The following CYTH1 variants were observed in gnomAD, a reference collection of about 807,000 sequenced individuals.
CYTH1 encodes the protein cytohesin 1.
In CYTH1, 18 loss-of-function variants were observed where a neutral mutation model predicts 61.8. The observed-to-expected ratio is 0.29, with a 90% CI of 0.20 to 0.43. The LOEUF (loss-of-function observed/expected upper bound fraction) is 0.43, where lower values mean the gene tolerates loss of function less well. Ranked by LOEUF, CYTH1 falls within the 20% of genes least tolerant of loss-of-function variation. The pLI is 1.00. For missense variants in CYTH1, 336 were observed against 510.5 expected (o/e 0.66, Z 3.29); for synonymous variants, 174 against 184.3 (o/e 0.94, Z 0.45).
chr17:78,735,998 G>A, intron 1 of CYTH1, among the ~76,000 whole-genome samples: 1 of 152,204 alleles, frequency 6.6e-6, no homozygotes, highest in Non-Finnish European at 1.5e-5. Context: ...TAGCTCCACT[G>A]TTTACAGTAC....
chr17:78,714,109 G>A (rs937873054), intron 1 of CYTH1, among the ~76,000 whole-genome samples: 21 of 152,062 alleles, frequency 1.4e-4, no homozygotes, highest in African/African-American at 5.1e-4. Context: ...GACCAACAAG[G>A]TGAAACCCCG....
intron 1 of CYTH1, chr17:78,727,643 C>T: frequency 4.2e-6 from 2 of 470,886 alleles, no homozygotes; most frequent in South Asian, 3.1e-5. Context: ...ATACTGGCCC[C>T]CTGCCTCCAC....
intron 1 of CYTH1, among the ~76,000 whole-genome samples, chr17:78,747,273 A>G (rs2093363330): frequency 6.6e-6 from 1 of 151,942 alleles, no homozygotes; most frequent in Non-Finnish European, 1.5e-5. Context: ...GTGGGAAGAT[A>G]GTGGCACAGG....
chr17:78,690,239 C>G (rs1269921337), intron 11 of CYTH1, among the ~76,000 whole-genome samples: 2 of 150,780 alleles, frequency 1.3e-5, no homozygotes, highest in African/African-American at 2.4e-5. Context: ...ACTAAAAATA[C>G]AAAAAATTAG....
chr17:78,772,682 C>T (rs770282579), intron 1 of CYTH1, among the ~76,000 whole-genome samples: 13 of 151,830 alleles, frequency 8.6e-5, no homozygotes, highest in Non-Finnish European at 1.9e-4. Flanking sequence ...AGACTACAGG[C>T]GTGCACCACC....
chr17:78,681,707 C>G (rs1463298180), intron 11 of CYTH1, among the ~76,000 whole-genome samples: 1 of 152,106 alleles, frequency 6.6e-6, no homozygotes. Context: ...CAACCCATGG[C>G]CAAGTCCTAG....
intron 1 of CYTH1, among the ~76,000 whole-genome samples, chr17:78,764,430 G>C (rs1430919743): frequency 2.0e-5 from 3 of 151,870 alleles, no homozygotes; most frequent in Non-Finnish European, 4.4e-5. Flanking sequence ...CAGAGTGCTA[G>C]GGTTACAGAT....
In CYTH1 at chr17:78,698,279, T is replaced by G. The variant is rs768353903; in HGVS notation, c.801A>C (p.Leu267=). The change falls in exon 9 of 14, where the codon CTA becomes CTC. Residue 267 remains leucine, a synonymous_variant. Transcript: ENST00000446868. ...CAGAGGTGCGCTTACCGAGTTTCAA[T>G]AGCCAGCCTTCTCGGTCTGGATTGA... The part of the protein sequence containing the change: ...TFFNPDREGW[L]LKLGGGRVKT... The G allele has an allele frequency of 1.3e-5, 21 of 1,613,232 alleles. No homozygotes were observed. The highest frequency in any genetic ancestry group is 1.6e-5 in the Non-Finnish European group (19 of 1,179,676).
intron 11 of CYTH1, among the ~76,000 whole-genome samples, chr17:78,681,245 C>T (rs2092759021): frequency 2.0e-5 from 3 of 152,280 alleles, no homozygotes; most frequent in Middle Eastern, 3.4e-3. Flanking sequence ...GCTAAGTCCT[C>T]CGCGAGTAGA....
intron 1 of CYTH1, among the ~76,000 whole-genome samples, chr17:78,752,268 T>C (rs548289757): frequency 1.3e-5 from 2 of 152,294 alleles, no homozygotes; most frequent in Non-Finnish European, 2.9e-5. Context: ...AAATGTTAGT[T>C]ATTACTCTTT....
At chr17:78,681,451 A>G (rs2092761485) in intron 11 of CYTH1, among the ~76,000 whole-genome samples, 1 of 152,048 alleles carries the variant, frequency 6.6e-6, no homozygotes, top group Admixed American at 6.6e-5. Flanking sequence ...GATGCCTGGG[A>G]CTGCAGCTGT....
chr17:78,697,633 C>A (rs1410043517), intron 9 of CYTH1, among the ~76,000 whole-genome samples: 1 of 151,480 alleles, frequency 6.6e-6, no homozygotes, highest in Admixed American at 6.6e-5. Context: ...AAAACCACTG[C>A]CCAAGAATGA....
intron 1 of CYTH1, among the ~76,000 whole-genome samples, chr17:78,753,923 G>C (rs919943410): frequency 6.6e-6 from 1 of 152,048 alleles, no homozygotes; most frequent in Non-Finnish European, 1.5e-5. Context: ...AAAAATATAA[G>C]AAGTCCCCCA....
intron 1 of CYTH1, among the ~76,000 whole-genome samples, chr17:78,728,358 CA>C (rs1208584473): frequency 1.3e-5 from 2 of 152,040 alleles, no homozygotes; most frequent in African/African-American, 4.8e-5. Flanking sequence ...CCAGCCTGAC[CA>C]ACATGGTGAA....
chr17:78,720,274 C>A (rs2093216811), intron 1 of CYTH1, among the ~76,000 whole-genome samples: 1 of 152,120 alleles, frequency 6.6e-6, no homozygotes, highest in East Asian at 1.9e-4. Flanking sequence ...AAAGGCCTGG[C>A]ATGGTGGCTC....
rs556662803 is a variant in CYTH1, at chr17:78,739,861, G to A, written c.23-30129C>T. On this transcript the variant is annotated intron_variant, in intron 1 of 13. Transcript: ENST00000446868. ...CCAAGGATGTCCCAATGGAGTCCAC[G>A]TGAGGTGTAAAAGAGAGAAGTCAAG... Among the ~76,000 whole-genome samples, 18 of 152,296 alleles carry A rather than the reference G, an allele frequency of 1.2e-4. No homozygotes were observed. In the South Asian group the frequency reaches 2.9e-3, roughly 25 times the overall value.
chr17:78,726,283 C>A (rs2093266301), intron 1 of CYTH1, among the ~76,000 whole-genome samples: 1 of 152,042 alleles, frequency 6.6e-6, no homozygotes, highest in Non-Finnish European at 1.5e-5. Context: ...ACCTTGTGAT[C>A]TGCCCGCCTC....
At position 78,700,203 on chromosome 17, in the gene CYTH1, A is replaced by G. The variant is rs1262056349; in HGVS notation, c.550+128T>C. 7.7e-6 allele frequency: 6 copies of G among 782,522 alleles called. No homozygotes were observed. The highest frequency in any genetic ancestry group is 1.2e-5 in the Non-Finnish European group (6 of 507,572). 48.5% of individuals were successfully genotyped at this position (782,522 alleles called of 1,614,324 possible). A position where few individuals can be genotyped will look rare whatever the true frequency, so the allele number is the denominator to read the frequency against. The stretch of plus-strand genomic sequence containing the variant: ...AGGTTATTTCCAACATTTTACTATT[A>G]TAACTATCATTGAGTAAACGTTCCT... On this transcript the variant is annotated intron_variant, in intron 7 of 13. Coordinates refer to ENST00000446868, the MANE Select transcript of CYTH1 (RefSeq NM_004762.6). This position sits in a 1 kb window ranked among gnomAD's most constrained non-coding sequence, Gnocchi z 5.1.
chr17:78,689,071 G>C (rs1031340453), intron 11 of CYTH1, among the ~76,000 whole-genome samples: 2 of 152,212 alleles, frequency 1.3e-5, no homozygotes, highest in African/African-American at 4.8e-5. Flanking sequence ...GTGTGGGAAA[G>C]AGATGTGGAT....
Sources: gnomAD v4.1 joint callset for allele counts (sites outside exome capture counted in the v4.1 genomes callset) on GRCh38, gnomAD v4.1.1 for gene constraint, Gnocchi (gnomAD v3.1) non-coding constraint, MANE v1.5 for transcripts, NCBI Gene and HGNC (gene_info 2026-07-23, HGNC 2026-07-21) for gene names.